The following SEMA4D variants were observed in gnomAD, a reference collection of about 807,000 sequenced individuals.
SEMA4D encodes the protein semaphorin 4D.
Under a neutral mutation model 74.8 loss-of-function variants are expected in SEMA4D, and 22 were observed. The ratio of observed to expected loss-of-function variants is 0.29; its 90% confidence interval spans 0.21 to 0.42. SEMA4D has a LOEUF of 0.42. SEMA4D is among the 10% of genes least tolerant of loss of function. The pLI is 1.00. For synonymous variants in SEMA4D, 445 were observed against 463.7 expected (o/e 0.96, Z 0.52); for missense variants, 937 against 1,118.4 (o/e 0.84, Z 2.31).
intron 1 of SEMA4D, among the ~76,000 whole-genome samples, chr9:89,457,964 C>T (rs964099162): frequency 5.3e-5 from 8 of 151,474 alleles, no homozygotes; most frequent in Non-Finnish European, 7.4e-5. Flanking sequence ...ACCCAGGAGC[C>T]GGAGGTTGCA....
chr9:89,452,643 G>A (rs889479279), intron 2 of SEMA4D, among the ~76,000 whole-genome samples: 1 of 151,846 alleles, frequency 6.6e-6, no homozygotes, highest in South Asian at 2.1e-4. Flanking sequence ...GTAGAGATGG[G>A]GGTTTCACCA....
intron 2 of SEMA4D, among the ~76,000 whole-genome samples, chr9:89,426,073 C>T (rs182594623): frequency 6.6e-6 from 1 of 152,334 alleles, no homozygotes; most frequent in East Asian, 1.9e-4. Flanking sequence ...ATCCCTAGTC[C>T]CCACCAAGTG....
chr9:89,435,862 TTAAA>T (rs914569778), intron 2 of SEMA4D, among the ~76,000 whole-genome samples: 2 of 152,116 alleles, frequency 1.3e-5, no homozygotes, highest in Admixed American at 6.5e-5. Context: ...TAAATGAAAC[TTAAA>T]TAAAGGAAGG....
intron 1 of SEMA4D, among the ~76,000 whole-genome samples, chr9:89,456,977 A>T (rs1856088777): frequency 1.3e-5 from 2 of 152,162 alleles, no homozygotes; most frequent in African/African-American, 4.8e-5. Flanking sequence ...ACTCTGAGAA[A>T]ATGCAAAGGG....
At position 89,377,258 on chromosome 9, in the gene SEMA4D, A is replaced by C. The variant is rs1383851447; in HGVS notation, c.*1446T>G. 3 of 676,848 alleles carry C rather than the reference A, an allele frequency of 4.4e-6. No homozygotes were observed. Among genetic ancestry groups the C allele is most frequent in the African/African-American group, 3.6e-5 (2 of 55,320 alleles). 41.9% of individuals were successfully genotyped at this position (676,848 alleles called of 1,614,324 possible). On this transcript the variant is annotated 3_prime_UTR_variant, in exon 16 of 16. Transcript: ENST00000422704. ...AATCAAGGATAGAAGCTTCTCATTTATTTGGGTACTTTCCAAATGTATACA... is the reference window on the plus strand; with the variant it reads ...AATCAAGGATAGAAGCTTCTCATTTCTTTGGGTACTTTCCAAATGTATACA...
At chr9:89,392,296 C>CT (rs1413519938) in intron 8 of SEMA4D, 127 bp downstream of exon 8, 1 of 675,588 alleles carries the variant, frequency 1.5e-6, no homozygotes, top group Non-Finnish European at 2.6e-6. Flanking sequence ...GGGAAGTATC[C>CT]CCCACAAACA....
At chr9:89,482,980 T>C (rs1412943459) in intron 1 of SEMA4D, among the ~76,000 whole-genome samples, 1 of 152,230 alleles carries the variant, frequency 6.6e-6, no homozygotes, top group African/African-American at 2.4e-5. Context: ...CGGTTACTTG[T>C]AAATAAATGG....
chr9:89,433,043 C>T (rs978576040), intron 2 of SEMA4D, among the ~76,000 whole-genome samples: 3 of 152,206 alleles, frequency 2.0e-5, no homozygotes, highest in Admixed American at 6.5e-5. Flanking sequence ...AGAGCGTCTT[C>T]GGGTGTGCAC....
At chr9:89,475,399 A>G (rs1458084271) in intron 1 of SEMA4D, among the ~76,000 whole-genome samples, 2 of 152,040 alleles carry the variant, frequency 1.3e-5, no homozygotes, top group Non-Finnish European at 2.9e-5. Flanking sequence ...GCCCAACCAC[A>G]CCAGGACTGG....
intron 2 of SEMA4D, among the ~76,000 whole-genome samples, chr9:89,426,530 C>G (rs1371084811): frequency 6.6e-6 from 1 of 152,196 alleles, no homozygotes; most frequent in East Asian, 1.9e-4. Flanking sequence ...CCAGCCAGAG[C>G]TCTGCGAAGG....
intron 1 of SEMA4D, among the ~76,000 whole-genome samples, chr9:89,491,442 T>C (rs1825616581): frequency 6.6e-6 from 1 of 152,164 alleles, no homozygotes; most frequent in African/African-American, 2.4e-5. Flanking sequence ...TGGTGGCGTG[T>C]GCCTGTAGTC....
chr9:89,461,696 T>C (rs910427188), intron 1 of SEMA4D, among the ~76,000 whole-genome samples: 203 of 101,022 alleles, frequency 2.0e-3, no homozygotes, highest in Non-Finnish European at 3.3e-3. Context: ...TATTTCTTTT[T>C]TCTCTTTTTT....
chr9:89,453,420 C>T (rs1199921042), intron 2 of SEMA4D, among the ~76,000 whole-genome samples: 2 of 152,250 alleles, frequency 1.3e-5, no homozygotes, highest in Admixed American at 6.5e-5. Context: ...TCTGGCTCCC[C>T]CAGACAGATG....
intron 2 of SEMA4D, among the ~76,000 whole-genome samples, chr9:89,439,939 T>C (rs1432796878): frequency 6.6e-6 from 1 of 152,172 alleles, no homozygotes; most frequent in South Asian, 2.1e-4. Context: ...ACATGCCATA[T>C]AGTCATTCTA....
chr9:89,413,217 T>C (rs1486355797), intron 2 of SEMA4D, among the ~76,000 whole-genome samples: 2 of 152,224 alleles, frequency 1.3e-5, no homozygotes, highest in Non-Finnish European at 2.9e-5. Context: ...TTACACGTAA[T>C]TGGGGCTGTT....
In SEMA4D at chr9:89,377,401, CAG is replaced by C. The variant is rs1183868424; in HGVS notation, c.*1301_*1302del. 1 of 188,882 alleles carries C rather than the reference CAG, an allele frequency of 5.3e-6. No homozygotes were observed. The highest frequency in any genetic ancestry group is 2.3e-5 in the African/African-American group (1 of 42,772). 11.7% of individuals were successfully genotyped at this position (188,882 alleles called of 1,614,324 possible). On this transcript the variant is annotated 3_prime_UTR_variant, in exon 16 of 16. Transcript: ENST00000422704. ...CTGTCCACACACGCGCACAAACATC[CAG>C]AGTTTATTGCTCTTCACCATGGAAA...
chr9:89,486,991 T>G (rs533427271), intron 1 of SEMA4D, among the ~76,000 whole-genome samples: 1 of 152,170 alleles, frequency 6.6e-6, no homozygotes, highest in East Asian at 1.9e-4. Flanking sequence ...TCAAAAATAG[T>G]AAGAGGAACC....
In SEMA4D at chr9:89,405,715, A is replaced by G; in HGVS notation, c.-243-16T>C. The G allele has an allele frequency of 7.1e-7, 1 of 1,405,738 alleles. No homozygotes were observed. Among genetic ancestry groups the G allele is most frequent in the Non-Finnish European group, 9.2e-7 (1 of 1,083,590 alleles). 87.1% of individuals were successfully genotyped at this position (1,405,738 alleles called of 1,614,324 possible). A position where few individuals can be genotyped will look rare whatever the true frequency, so the allele number is the denominator to read the frequency against. ...AGAAGAAATGCTGGAAGGACATGAG[A>G]AAGAAAAGGCAGGACCCATGGTGAG... On this transcript the variant is annotated splice_polypyrimidine_tract_variant and intron_variant, in intron 2 of 15. Transcript: ENST00000422704.
At chr9:89,370,734 GGTGT>G (rs1292174042) in intron 16 of SEMA4D, among the ~76,000 whole-genome samples, 1 of 149,292 alleles carries the variant, frequency 6.7e-6, no homozygotes, top group Non-Finnish European at 1.5e-5. Context: ...TGTGGGGTGT[GGTGT>G]GTGTGTGGGG....
Sources: gnomAD v4.1 joint callset for allele counts (sites outside exome capture counted in the v4.1 genomes callset) on GRCh38, gnomAD v4.1.1 for gene constraint, MANE v1.5 for transcripts, NCBI Gene and HGNC (gene_info 2026-07-23, HGNC 2026-07-21) for gene names.